Variants in IRAK1BP1 observed in about 807,000 individuals in gnomAD.
IRAK1BP1 encodes the protein interleukin-1 receptor-associated kinase 1-binding protein 1.
Under a neutral mutation model 28.0 loss-of-function variants are expected in IRAK1BP1, and 24 were observed. That is an observed-to-expected ratio of 0.86 (90% CI 0.62 to 1.20). The LOEUF (loss-of-function observed/expected upper bound fraction) is 1.20, where lower values mean the gene tolerates loss of function less well. Ranked by LOEUF, IRAK1BP1 falls within the 50% of genes most tolerant of loss-of-function variation. The pLI is 0.00. For synonymous variants in IRAK1BP1, 131 were observed against 116.3 expected (o/e 1.13, Z -0.81); for missense variants, 336 against 316.7 (o/e 1.06, Z -0.46).
intron 1 of IRAK1BP1, among the ~76,000 whole-genome samples, chr6:78,876,643 C>A (rs890090708): frequency 1.3e-5 from 2 of 152,130 alleles, no homozygotes; most frequent in Non-Finnish European, 2.9e-5. Flanking sequence ...AACAGCATTC[C>A]TGGCCCCTAC....
chr6:78,896,627 T>G (rs2127653726), intron 2 of IRAK1BP1, among the ~76,000 whole-genome samples: 1 of 152,174 alleles, frequency 6.6e-6, no homozygotes, highest in East Asian at 1.9e-4. Flanking sequence ...GGTCTAAATT[T>G]TTGTTATGGT....
chr6:78,877,931 T>G (rs961204713), intron 1 of IRAK1BP1, among the ~76,000 whole-genome samples: 1 of 147,630 alleles, frequency 6.8e-6, no homozygotes, highest in Non-Finnish European at 1.5e-5. Flanking sequence ...AAGGCAGCAG[T>G]GAGGGAGGGG....
chr6:78,954,080 C>T, the IRAK1BP1 span, among the ~76,000 whole-genome samples: 1 of 152,172 alleles, frequency 6.6e-6, no homozygotes, highest in East Asian at 1.9e-4. Context: ...CATTTGTACA[C>T]AGTGCTTCAC....
intron 4 of IRAK1BP1, chr6:78,936,314 G>A (rs1773270000): frequency 6.6e-6 from 1 of 151,698 alleles, no homozygotes; most frequent in Admixed American, 6.6e-5. Context: ...TTCTACACAT[G>A]TCTAAATATC....
chr6:78,902,927 T>C lies in IRAK1BP1; in HGVS notation c.*4593T>C. 1.2e-6 allele frequency: 1 copy of C among 820,110 alleles called. No homozygotes were observed. The highest frequency in any genetic ancestry group is 1.9e-6 in the Non-Finnish European group (1 of 517,156). 50.8% of individuals were successfully genotyped at this position (820,110 alleles called of 1,614,324 possible). On this transcript the variant is annotated 3_prime_UTR_variant, in exon 4 of 4. Transcript: ENST00000369940. The stretch of plus-strand genomic sequence containing the variant: ...AATAGAAATCTTTCAAGAAGGATTG[T>C]TTTCTACTATTAAAACAATAAAACT...
downstream of IRAK1BP1, among the ~76,000 whole-genome samples, chr6:78,905,425 G>T (rs1772236121): frequency 6.6e-6 from 1 of 152,166 alleles, no homozygotes; most frequent in African/African-American, 2.4e-5. Flanking sequence ...TGTTCAAAGA[G>T]CCATGCAATT....
At chr6:78,914,015 A>G (rs531120467) in intron 4 of IRAK1BP1, among the ~76,000 whole-genome samples, 1 of 152,340 alleles carries the variant, frequency 6.6e-6, no homozygotes, top group Admixed American at 6.5e-5. Flanking sequence ...AAGTGTTCCA[A>G]AATATGAGGT....
intron 4 of IRAK1BP1, among the ~76,000 whole-genome samples, chr6:78,908,674 G>A (rs143872036): frequency 6.6e-6 from 1 of 152,294 alleles, no homozygotes; most frequent in East Asian, 1.9e-4. Flanking sequence ...TTCAATAGGT[G>A]CCTACATATT....
downstream of IRAK1BP1, among the ~76,000 whole-genome samples, chr6:78,949,427 T>A (rs1210557263): frequency 1.3e-5 from 2 of 152,108 alleles, no homozygotes; most frequent in East Asian, 3.9e-4. Context: ...ACTAAGCCAG[T>A]ATTTCCCTGT....
chr6:78,910,245 C>A (rs540012348), intron 4 of IRAK1BP1, among the ~76,000 whole-genome samples: 1 of 152,006 alleles, frequency 6.6e-6, no homozygotes, highest in Admixed American at 6.6e-5. Context: ...CTAGGGAGGA[C>A]GGGCGAGGGC....
intron 4 of IRAK1BP1, among the ~76,000 whole-genome samples, chr6:78,908,456 T>G (rs1772317417): frequency 6.6e-6 from 1 of 152,166 alleles, no homozygotes; most frequent in South Asian, 2.1e-4. Flanking sequence ...TCAAGTGATC[T>G]TCCTGTCTCA....
At position 78,898,410 on chromosome 6, in the gene IRAK1BP1, G is replaced by GAA. The variant is rs1375281573; in HGVS notation, c.*77_*78dup. The GAA allele has an allele frequency of 2.8e-5, 2 of 71,594 alleles. No homozygotes were observed. Among genetic ancestry groups the GAA allele is most frequent in the Non-Finnish European group, 4.5e-5 (2 of 44,138 alleles). The allele number at this position is 71,594 out of a possible 1,614,324, so 4.4% of individuals were successfully genotyped here. A position where few individuals can be genotyped will look rare whatever the true frequency, so the allele number is the denominator to read the frequency against. ...TTTTTATAATGTTTACGTTTGTCCT[G>GAA]AATATATATATATATATATATATAT... is the stretch of plus-strand genomic sequence containing the variant. On this transcript the variant is annotated 3_prime_UTR_variant, in exon 4 of 4. Transcript: ENST00000369940.
chr6:78,930,161 C>T (rs1773005623), intron 4 of IRAK1BP1, among the ~76,000 whole-genome samples: 1 of 152,082 alleles, frequency 6.6e-6, no homozygotes, highest in Non-Finnish European at 1.5e-5. Context: ...CTCTTGGGCT[C>T]AGAGTTCTTG....
At chr6:78,915,040 G>A (rs1430432275) in intron 4 of IRAK1BP1, among the ~76,000 whole-genome samples, 3 of 151,998 alleles carry the variant, frequency 2.0e-5, no homozygotes, top group Non-Finnish European at 4.4e-5. Flanking sequence ...GGCTGGTCTC[G>A]AACTCCTCAC....
chr6:78,891,355 G>A (rs1394651087), intron 2 of IRAK1BP1, among the ~76,000 whole-genome samples: 1 of 152,146 alleles, frequency 6.6e-6, no homozygotes, highest in African/African-American at 2.4e-5. Context: ...GTGAATGAAT[G>A]GATGTGGGAA....
At chr6:78,903,261 T>A (rs937548396), downstream of IRAK1BP1, among the ~76,000 whole-genome samples, 1 of 151,878 alleles carries the variant, frequency 6.6e-6, no homozygotes, top group Admixed American at 6.6e-5. Context: ...GGCAGGTGGA[T>A]CACTTGAGAC....
At chr6:78,939,327 G>A (rs1773382779) in intron 4 of IRAK1BP1, 1 of 151,538 alleles carries the variant, frequency 6.6e-6, no homozygotes, top group Admixed American at 6.6e-5. Flanking sequence ...TTTCTTTAGG[G>A]TGTATATTGA....
Position 78,899,361 on chromosome 6 carries a change from TAAC to T in IRAK1BP1, c.*1031_*1033del, listed in dbSNP as rs547322937. ...AGAGACCATTTTGGTAAGATGCAGATAACAACCCCAACCTTAACAACTTCACAA... is the reference window on the plus strand; with the variant it reads ...AGAGACCATTTTGGTAAGATGCAGATAACCCCAACCTTAACAACTTCACAA... On this transcript the variant is annotated 3_prime_UTR_variant, in exon 4 of 4. Coordinates refer to ENST00000369940, the MANE Select transcript of IRAK1BP1 (RefSeq NM_001010844.4). 1 of 152,178 alleles carries T rather than the reference TAAC, an allele frequency of 6.6e-6. No homozygotes were observed. Among genetic ancestry groups the T allele is most frequent in the South Asian group, 2.1e-4 (1 of 4,834 alleles). The allele number at this position is 152,178 out of a possible 1,614,324, so 9.4% of individuals were successfully genotyped here. A position where few individuals can be genotyped will look rare whatever the true frequency, so the allele number is the denominator to read the frequency against.
At chr6:78,948,397 A>T (rs1416759671), downstream of IRAK1BP1, among the ~76,000 whole-genome samples, 6 of 152,222 alleles carry the variant, frequency 3.9e-5, no homozygotes, top group African/African-American at 1.4e-4. Flanking sequence ...AAAAACACAC[A>T]CGTGAAACAG....
Sources: allele counts gnomAD v4.1 joint callset (sites outside exome capture counted in the v4.1 genomes callset), GRCh38; gene constraint gnomAD v4.1.1; transcripts MANE v1.5; gene names NCBI Gene and HGNC (gene_info 2026-07-23, HGNC 2026-07-21).